KLHL2: variants seen among roughly 807,000 people sequenced by gnomAD.
The protein encoded by KLHL2 is kelch-like protein 2.
Under a neutral mutation model 75.8 loss-of-function variants are expected in KLHL2, and 15 were observed. The ratio of observed to expected loss-of-function variants is 0.20; its 90% CI spans 0.13 to 0.30. The LOEUF is 0.30. Among genes scored for constraint, KLHL2 ranks in the 10% least tolerant of loss-of-function variants. KLHL2 has a pLI of 1.00. For missense variants in KLHL2, 381 were observed against 741.0 expected (o/e 0.51, Z 5.64); for synonymous variants, 214 against 251.9 (o/e 0.85, Z 1.42).
At chr4:165,220,267 GC>G (rs1180327946) in intron 2 of KLHL2, among the ~76,000 whole-genome samples, 34 of 151,246 alleles carry the variant, frequency 2.2e-4, no homozygotes, top group South Asian at 8.3e-4. Context: ...TGTGGTAGCC[GC>G]TTAGCCACAT....
chr4:165,277,945 A>G (rs1218601716), intron 5 of KLHL2: 1 of 967,594 alleles, frequency 1.0e-6, no homozygotes, highest in Non-Finnish European at 1.7e-6. Flanking sequence ...TTCATTATGT[A>G]AAAAGCTCGC....
At position 165,297,714 on chromosome 4, in the gene KLHL2, T is replaced by C; in HGVS notation, c.760T>C (p.Tyr254His). 1 of 1,607,202 alleles carries C rather than the reference T, an allele frequency of 6.2e-7. No homozygotes were observed. Among genetic ancestry groups the C allele is most frequent in the Non-Finnish European group, 8.5e-7 (1 of 1,173,640 alleles). The change falls in exon 7 of 15, where the codon TAT (tyrosine) becomes CAT (histidine). Residue 254 changes from tyrosine to histidine, a missense_variant. By Grantham distance (83) the Tyr-to-His change is moderately conservative. This residue lies in a region of KLHL2 where 111 missense variants were observed against 150.1 expected (regional missense o/e 0.74). Transcript: ENST00000226725. Reference sequence around the variant, plus strand: ...ACGGTTACCTTTGCTTCCTCGGGAATATTTAGTTCAGGTAAATGCATATGC... The same window carrying C: ...ACGGTTACCTTTGCTTCCTCGGGAACATTTAGTTCAGGTAAATGCATATGC... ...HVRLPLLPRE[Y>H]LVQRVEEEAL...
At position 165,278,166 on chromosome 4, in the gene KLHL2, C is replaced by T. The variant is rs754448846; in HGVS notation, c.544+14807C>T. 16 of 1,409,994 alleles carry T rather than the reference C, an allele frequency of 1.1e-5. 1 individual carries two copies. The highest frequency in any genetic ancestry group is 8.4e-5 in the Admixed American group (5 of 59,778). The allele number at this position is 1,409,994 out of a possible 1,614,324, so 87.3% of individuals were successfully genotyped here. Reference sequence around the variant, plus strand: ...GTAGAATAACGAATTTCACTTTCCTCAGCATTAATCTGAGGTTCAAACCGC... The same window carrying T: ...GTAGAATAACGAATTTCACTTTCCTTAGCATTAATCTGAGGTTCAAACCGC... On this transcript the variant is annotated intron_variant, in intron 5 of 14. Transcript: ENST00000226725.
rs1746183253 is a variant in KLHL2, at chr4:165,311,492, A to G, written c.1266A>G (p.Ile422Met). 6.2e-7 allele frequency: 1 copy of G among 1,613,388 alleles called. No homozygotes were observed. Among genetic ancestry groups the G allele is most frequent in the South Asian group, 1.1e-5 (1 of 91,044 alleles). Residue 422 changes from isoleucine (I) to methionine (M), a missense_variant, in exon 11 of 15, where the codon ATA becomes ATG. Around this residue, in one of 5 missense-constraint regions of KLHL2, gnomAD observed 168 missense variants for 370.4 expected, o/e 0.45. Coordinates refer to ENST00000226725, the MANE Select transcript of KLHL2 (RefSeq NM_007246.4). Reference sequence around the variant, plus strand: ...TGTCATCTGTGGAAGCATACAACATAAAGTCTAATGAGTGGTTTCATGTAG... The same window carrying G: ...TGTCATCTGTGGAAGCATACAACATGAAGTCTAATGAGTGGTTTCATGTAG... ...TGLSSVEAYN[I>M]KSNEWFHVAP...
At chr4:165,286,270 C>G in intron 5 of KLHL2, among the ~76,000 whole-genome samples, 1 of 152,084 alleles carries the variant, frequency 6.6e-6, no homozygotes, top group East Asian at 1.9e-4. Context: ...ATGGGTGGCT[C>G]TGTCTTGTTT....
chr4:165,302,688 T>C (rs927011628), intron 8 of KLHL2, among the ~76,000 whole-genome samples: 2 of 152,146 alleles, frequency 1.3e-5, no homozygotes, highest in Non-Finnish European at 2.9e-5. Context: ...TATTTCTGGG[T>C]ATATATTATA....
chr4:165,316,090 C>T lies in KLHL2; in HGVS notation c.1610-1736C>T, dbSNP rs1746568566. The stretch of plus-strand genomic sequence containing the variant: ...GCATCCTTTTGGCAAAGTGATTTGG[C>T]TCCTATCGCCTAAAAGGAATCTGGT... On this transcript the variant is annotated intron_variant, in intron 13 of 14. Coordinates refer to ENST00000226725, the MANE Select transcript of KLHL2 (RefSeq NM_007246.4). 2.6e-5 allele frequency among the ~76,000 whole-genome samples: 4 copies of T among 152,286 alleles called. No individual in the cohort carries two copies. The South Asian group carries it at 8.3e-4, about 32-fold the overall frequency.
chr4:165,285,866 A>G (rs1744050238), intron 5 of KLHL2, among the ~76,000 whole-genome samples: 1 of 152,224 alleles, frequency 6.6e-6, no homozygotes, highest in East Asian at 1.9e-4. Context: ...TAGGATACAA[A>G]GGGAACACGG....
intron 4 of KLHL2, among the ~76,000 whole-genome samples, chr4:165,244,022 C>T (rs1228428951): frequency 6.6e-6 from 1 of 151,894 alleles, no homozygotes; most frequent in East Asian, 1.9e-4. Flanking sequence ...TTGCACAAAC[C>T]ACACCATAAT....
chr4:165,313,893 G>A, intron 12 of KLHL2, 133 bp from the exon 13 acceptor site: 5 of 746,150 alleles, frequency 6.7e-6, no homozygotes, highest in East Asian at 2.8e-5. Flanking sequence ...TAAATTGTAG[G>A]CTATAGTATC....
chr4:165,289,906 G>C (rs1334668803), intron 5 of KLHL2, among the ~76,000 whole-genome samples: 1 of 152,144 alleles, frequency 6.6e-6, no homozygotes, highest in African/African-American at 2.4e-5. Context: ...CTCTTGCTTT[G>C]ATTCAGATTT....
Position 165,294,406 on chromosome 4 carries a change from G to A in KLHL2, c.592G>A (p.Gly198Ser). The A allele has an allele frequency of 6.2e-6, 10 of 1,611,812 alleles. No individual in the cohort carries two copies. Among genetic ancestry groups the A allele is most frequent in the Non-Finnish European group, 8.5e-6 (10 of 1,178,322 alleles). The change falls in exon 6 of 15, where the codon GGC becomes AGC. Residue 198 changes from glycine to serine, a missense_variant. Physicochemically the swap from Gly to Ser is moderately conservative, Grantham distance 56. This residue lies in a region of KLHL2 where 111 missense variants were observed against 150.1 expected (regional missense o/e 0.74). Transcript: ENST00000226725. The stretch of plus-strand genomic sequence containing the variant: ...ACTTAGTGAAGAATTTCTCAATCTT[G>A]GCATCGAACAAGTGTGCAGCTTAAT... ...VVLSEEFLNL[G>S]IEQVCSLISS...
chr4:165,280,738 T>A (rs767965925), intron 5 of KLHL2, among the ~76,000 whole-genome samples: 2 of 152,238 alleles, frequency 1.3e-5, no homozygotes, highest in Middle Eastern at 3.2e-3. Context: ...TCTTTATTCC[T>A]TAGTAAACTA....
At chr4:165,222,804 T>A (rs1738107326) in intron 2 of KLHL2, among the ~76,000 whole-genome samples, 1 of 152,208 alleles carries the variant, frequency 6.6e-6, no homozygotes, top group South Asian at 2.1e-4. Context: ...TTTCCTGACT[T>A]CTGGGAAGGG....
intron 5 of KLHL2, among the ~76,000 whole-genome samples, chr4:165,275,844 G>A (rs1276550665): frequency 3.3e-5 from 5 of 152,274 alleles, no homozygotes. Context: ...TTCAGAGCTG[G>A]GCATGGTGGC....
intron 4 of KLHL2, among the ~76,000 whole-genome samples, chr4:165,246,738 T>C (rs1740295695): frequency 6.6e-6 from 1 of 152,158 alleles, no homozygotes; most frequent in Admixed American, 6.5e-5. Flanking sequence ...TGGGAATTAA[T>C]GGTTCTATTT....
At chr4:165,211,369 C>T (rs1323488377) in intron 1 of KLHL2, among the ~76,000 whole-genome samples, 1 of 152,082 alleles carries the variant, frequency 6.6e-6, no homozygotes, top group African/African-American at 2.4e-5. Context: ...AAAACTTAGC[C>T]TTATGAAAAC....
At chr4:165,223,448 G>A (rs1333525805) in intron 2 of KLHL2, among the ~76,000 whole-genome samples, 1 of 152,208 alleles carries the variant, frequency 6.6e-6, no homozygotes, top group Non-Finnish European at 1.5e-5. Context: ...ATTCACTGAG[G>A]GGATGGAGTG....
At chr4:165,288,564 T>C (rs1744258325) in intron 5 of KLHL2, among the ~76,000 whole-genome samples, 1 of 152,206 alleles carries the variant, frequency 6.6e-6, no homozygotes, top group Non-Finnish European at 1.5e-5. Flanking sequence ...GCTTTTTTCA[T>C]ATCATGAGCT....
Sources: allele counts gnomAD v4.1 joint callset (sites outside exome capture counted in the v4.1 genomes callset), GRCh38; gene constraint gnomAD v4.1.1; regional missense constraint gnomAD v4.1.1; transcripts MANE v1.5; gene names NCBI Gene and HGNC (gene_info 2026-07-23, HGNC 2026-07-21).